The following PKD1L3 variants were observed in gnomAD, a reference collection of about 807,000 sequenced individuals.
The protein encoded by PKD1L3 is polycystin 1 like 3, transient receptor potential channel interacting.
Under a neutral mutation model 184.1 loss-of-function variants are expected in PKD1L3, and 239 were observed. The observed-to-expected ratio is 1.30, with a 90% CI of 1.17 to 1.45. The LOEUF is 1.45. Ranked by LOEUF, PKD1L3 falls within the 40% of genes most tolerant of loss-of-function variation. The pLI, the probability that PKD1L3 is intolerant of heterozygous loss-of-function variation, is 0.00. For synonymous variants in PKD1L3, 996 were observed against 778.8 expected, an observed-to-expected ratio of 1.28 and a Z score of -4.64; for missense variants, 2,660 against 2,067.2, an observed-to-expected ratio of 1.29 and a Z score of -5.56.
intron 12 of PKD1L3, among the ~76,000 whole-genome samples, chr16:71,971,999 G>A (rs949104112): frequency 1.3e-5 from 2 of 151,270 alleles, no homozygotes; most frequent in Non-Finnish European, 2.9e-5. Flanking sequence ...GGCGGATCAC[G>A]AGGACAGGAG....
chr16:71,980,165 G>A, intron 7 of PKD1L3, 31 bp from the exon 8 acceptor site: 1 of 1,547,334 alleles, frequency 6.5e-7, no homozygotes, highest in Non-Finnish European at 8.7e-7. Flanking sequence ...TGTGTGACTT[G>A]TAAAACCTCA....
At chr16:71,994,640 T>C (rs9932742) in intron 2 of PKD1L3, among the ~76,000 whole-genome samples, 1 of 152,212 alleles carries the variant, frequency 6.6e-6, no homozygotes, top group Non-Finnish European at 1.5e-5. Context: ...TTAAAAATTG[T>C]CCAAACTTAT....
At chr16:71,967,682 C>G (rs1472682099) in intron 14 of PKD1L3, among the ~76,000 whole-genome samples, 1 of 152,124 alleles carries the variant, frequency 6.6e-6, no homozygotes, top group African/African-American at 2.4e-5. Context: ...CCAGGCTGGT[C>G]TCAAACTCCT....
rs1336972225 is a variant in PKD1L3 at position 71,934,134 on chromosome 16, A to G, written c.4614-9T>C. On this transcript the variant is annotated splice_polypyrimidine_tract_variant and intron_variant, in intron 26 of 29. Coordinates refer to ENST00000620267, the MANE Select transcript of PKD1L3 (RefSeq NM_181536.2). ...CATAGAAGCTGATGAATCTGCACCAAGGAAAGCTGACAGTTACTCAGCAAG... is the reference window on the plus strand; with the variant it reads ...CATAGAAGCTGATGAATCTGCACCAGGGAAAGCTGACAGTTACTCAGCAAG... The G allele has an allele frequency of 6.4e-7, 1 of 1,551,596 alleles. No homozygotes were observed. The highest frequency in any genetic ancestry group is 8.7e-7 in the Non-Finnish European group (1 of 1,146,922).
In PKD1L3 at chr16:71,944,705, G is replaced by GT. The variant is rs57890181; in HGVS notation, c.3719-536dup. ...GCAAGACCATATCTGTTTTTTGTTT[G>GT]TTTTTTTTTTTTGAGACGGAGTCTC... On this transcript the variant is annotated intron_variant, in intron 22 of 29. Transcript: ENST00000620267. Among the ~76,000 whole-genome samples the GT allele has an allele frequency of 1.1e-3, 151 of 142,696 alleles. 3 individuals carry two copies. Among genetic ancestry groups the GT allele is most frequent in the Non-Finnish European group, 1.0e-3 (67 of 66,036 alleles). The allele number at this position is 142,696 out of a possible 152,430, so 93.6% of individuals were successfully genotyped here.
chr16:71,936,521 T>TC (rs199635012), intron 25 of PKD1L3, among the ~76,000 whole-genome samples: 30 of 142,316 alleles, frequency 2.1e-4, no homozygotes, highest in South Asian at 4.4e-4. Context: ...TTTTTTTTCT[T>TC]TTTTTTTTTT....
intron 10 of PKD1L3, among the ~76,000 whole-genome samples, chr16:71,977,778 A>C (rs758377418): frequency 2.0e-5 from 3 of 151,566 alleles, no homozygotes; most frequent in Non-Finnish European, 4.4e-5. Context: ...AACACTTCTT[A>C]TTCTTCTTAT....
Position 71,967,299 on chromosome 16 carries a change from T to C in PKD1L3, c.2303A>G (p.Tyr768Cys), listed in dbSNP as rs1205787104. The change falls in exon 15 of 30, where the codon TAT becomes TGT. Residue 768 changes from tyrosine (Y) to cysteine (C), a missense_variant. Physicochemically the swap from Tyr to Cys is radical, Grantham distance 194. Coordinates refer to ENST00000620267, the MANE Select transcript of PKD1L3 (RefSeq NM_181536.2). ...ATTAKVVITL[Y>C]GSEGRSEPHH... ...GGGCTCACTCCGTCCCTCTGATCCA[T>C]AGAGGGTGATGACAACCTACAATGA... 1.9e-5 allele frequency: 29 copies of C among 1,550,934 alleles called. No individual in the cohort carries two copies. The highest frequency in any genetic ancestry group is 1.2e-4 in the East Asian group (5 of 40,914).
At chr16:71,996,680 A>G (rs1402353351) in intron 2 of PKD1L3, among the ~76,000 whole-genome samples, 1 of 152,112 alleles carries the variant, frequency 6.6e-6, no homozygotes, top group Non-Finnish European at 1.5e-5. Flanking sequence ...TGCTCAATAA[A>G]TGGCACCATA....
chr16:71,965,252 T>A (rs1030054142), intron 15 of PKD1L3, among the ~76,000 whole-genome samples: 6 of 152,266 alleles, frequency 3.9e-5, no homozygotes, highest in African/African-American at 1.4e-4. Context: ...TAGTATTACA[T>A]TGAATCAATA....
intron 11 of PKD1L3, among the ~76,000 whole-genome samples, 194 bp downstream of exon 11, chr16:71,977,042 C>A (rs1468125794): frequency 6.6e-6 from 1 of 152,198 alleles, no homozygotes; most frequent in East Asian, 1.9e-4. Context: ...CGCGCCCGGC[C>A]CACAAAATTT....
chr16:71,938,361 T>G (rs1597282420), intron 24 of PKD1L3, among the ~76,000 whole-genome samples: 6 of 152,026 alleles, frequency 3.9e-5, no homozygotes, highest in Admixed American at 3.9e-4. Context: ...GGGCTGAGGG[T>G]GGCTTGCCAT....
In PKD1L3 at chr16:71,993,229, G is replaced by A; in HGVS notation, c.522C>T (p.Asp174=). The A allele has an allele frequency of 1.3e-6, 2 of 1,547,134 alleles. No individual in the cohort carries two copies. Among genetic ancestry groups the A allele is most frequent in the Non-Finnish European group, 1.7e-6 (2 of 1,144,320 alleles). ...KTKRGVAIAR[D]KMPPGPGHLP... ...GTAACGCATTACCTGGGGGCATTTT[G>A]TCTCTTGCTATTGCAACTCCTCTTT... The change falls in exon 3 of 30, where the codon GAC becomes GAT. Residue 174 remains aspartate, a synonymous_variant. Transcript: ENST00000620267.
At chr16:71,948,820 A>AAAAAAAAAAAAAAAG in intron 21 of PKD1L3, among the ~76,000 whole-genome samples, 1 of 150,358 alleles carries the variant, frequency 6.7e-6, no homozygotes, top group Non-Finnish European at 1.5e-5. Context: ...AAAAAAAAAA[A>AAAAAAAAAAAAAAAG]AAAAAGTCAC....
At position 71,954,311 on chromosome 16, in the gene PKD1L3, G is replaced by T. The variant is rs1395121511; in HGVS notation, c.2613-10C>A. The T allele has an allele frequency of 3.3e-6, 5 of 1,509,854 alleles. No individual in the cohort carries two copies. Among genetic ancestry groups the T allele is most frequent in the Non-Finnish European group, 4.5e-6 (5 of 1,122,918 alleles). 93.5% of individuals were successfully genotyped at this position (1,509,854 alleles called of 1,614,324 possible). Reference sequence around the variant, plus strand: ...GGAGGAAAACAGATGTCTGAAAAGAGAAATCAGAAGAGGAAATACATGAGA... The same window carrying T: ...GGAGGAAAACAGATGTCTGAAAAGATAAATCAGAAGAGGAAATACATGAGA... On this transcript the variant is annotated splice_polypyrimidine_tract_variant and intron_variant, in intron 16 of 29. Coordinates refer to ENST00000620267, the MANE Select transcript of PKD1L3 (RefSeq NM_181536.2).
chr16:71,975,561 C>T (rs1338827459), intron 11 of PKD1L3, among the ~76,000 whole-genome samples: 1 of 152,076 alleles, frequency 6.6e-6, no homozygotes, highest in Non-Finnish European at 1.5e-5. Context: ...GTATATTTAA[C>T]TCATGGTGCT....
intron 7 of PKD1L3, among the ~76,000 whole-genome samples, chr16:71,980,980 TAC>T (rs2040128421): frequency 6.6e-6 from 1 of 152,200 alleles, no homozygotes; most frequent in Non-Finnish European, 1.5e-5. Flanking sequence ...AATCACAACA[TAC>T]AGTCTTTTGT....
At chr16:71,964,632 C>T (rs1453066069) in intron 15 of PKD1L3, among the ~76,000 whole-genome samples, 2 of 151,536 alleles carry the variant, frequency 1.3e-5, no homozygotes, top group Non-Finnish European at 2.9e-5. Context: ...AGACACCATG[C>T]CTGGCCAATT....
At chr16:71,944,959 T>TA (rs199887422) in intron 22 of PKD1L3, among the ~76,000 whole-genome samples, 5 of 149,394 alleles carry the variant, frequency 3.3e-5, no homozygotes, top group Admixed American at 1.3e-4. Flanking sequence ...CCCTGTCTCT[T>TA]AAAAAAAAAT....
Sources: allele counts gnomAD v4.1 joint callset (sites outside exome capture counted in the v4.1 genomes callset), GRCh38; gene constraint gnomAD v4.1.1; transcripts MANE v1.5; gene names NCBI Gene and HGNC (gene_info 2026-07-23, HGNC 2026-07-21).